The following BAZ1A variants were observed in gnomAD, a reference collection of about 807,000 sequenced individuals.
BAZ1A encodes bromodomain adjacent to zinc finger domain protein 1A.
A neutral mutation model predicts 185.2 loss-of-function variants in BAZ1A; 50 were observed. The ratio of observed to expected loss-of-function variants is 0.27; its 90% CI spans 0.22 to 0.34. BAZ1A has a LOEUF of 0.34. BAZ1A is among the 10% of genes least tolerant of loss of function. The probability of loss-of-function intolerance (pLI) is 1.00; values close to 1 mark genes in which losing one functional copy is unlikely to be tolerated. For missense variants in BAZ1A, 1,356 were observed against 1,839.9 expected (o/e 0.74, Z 4.81); for synonymous variants, 571 against 615.6 (o/e 0.93, Z 1.07).
chr14:34,848,990 G>A (rs941745596), intron 3 of BAZ1A, among the ~76,000 whole-genome samples: 5 of 152,162 alleles, frequency 3.3e-5, no homozygotes, highest in African/African-American at 1.2e-4. Flanking sequence ...ACCAGTTCAT[G>A]TAAAACCGAT....
At chr14:34,790,010 T>G (rs1232123806) in intron 12 of BAZ1A, among the ~76,000 whole-genome samples, 1 of 152,186 alleles carries the variant, frequency 6.6e-6, no homozygotes, top group Non-Finnish European at 1.5e-5. Flanking sequence ...GTATGAGAAT[T>G]TAATGAAACA....
intron 24 of BAZ1A, among the ~76,000 whole-genome samples, chr14:34,760,488 CTTTTT>C (rs5807795): frequency 2.1e-5 from 3 of 139,576 alleles, no homozygotes; most frequent in Non-Finnish European, 4.6e-5. Flanking sequence ...AGAACAGTGG[CTTTTT>C]TTTTTTTTTT....
intron 3 of BAZ1A, among the ~76,000 whole-genome samples, chr14:34,838,110 C>T (rs1214590136): frequency 6.6e-6 from 1 of 152,184 alleles, no homozygotes; most frequent in Non-Finnish European, 1.5e-5. Context: ...GTGGACCTAT[C>T]ATACCAGCCC....
chr14:34,817,630 CTG>C (rs562085135), intron 4 of BAZ1A, among the ~76,000 whole-genome samples: 136 of 152,230 alleles, frequency 8.9e-4, no homozygotes, highest in Non-Finnish European at 1.4e-3. Flanking sequence ...AAACACAACT[CTG>C]TAACTCAACA....
At chr14:34,840,334 T>C (rs2042393638) in intron 3 of BAZ1A, among the ~76,000 whole-genome samples, 1 of 152,188 alleles carries the variant, frequency 6.6e-6, no homozygotes, top group African/African-American at 2.4e-5. Context: ...AGAAGCATTA[T>C]ACCGGTGTTT....
chr14:34,837,019 C>T (rs1185250857), intron 3 of BAZ1A, among the ~76,000 whole-genome samples: 5 of 150,806 alleles, frequency 3.3e-5, no homozygotes. Flanking sequence ...GCAATCCTTC[C>T]ACCTCGGCCT....
intron 21 of BAZ1A, among the ~76,000 whole-genome samples, chr14:34,770,857 TG>T (rs1244321316): frequency 6.6e-6 from 1 of 152,184 alleles, no homozygotes; most frequent in Non-Finnish European, 1.5e-5. Context: ...ATATAGCATG[TG>T]GGTGACTCAT....
rs1216784274 is a variant in BAZ1A at position 34,836,239 on chromosome 14, C to T, written c.393-10083G>A. Reference sequence around the variant, plus strand: ...CTAAAAATACAAAAAATTAGCCGGGCGTGGTAGCGGGCGCCTGTAGTCCCA... The same window carrying T: ...CTAAAAATACAAAAAATTAGCCGGGTGTGGTAGCGGGCGCCTGTAGTCCCA... On this transcript the variant is annotated intron_variant, in intron 3 of 26. Coordinates refer to ENST00000360310, the MANE Select transcript of BAZ1A (RefSeq NM_013448.3). Among the ~76,000 whole-genome samples the T allele has an allele frequency of 2.8e-5, 2 of 71,138 alleles. 1 individual carries two copies. Among genetic ancestry groups the T allele is most frequent in the African/African-American group, 9.5e-5 (2 of 20,992 alleles). 46.7% of individuals were successfully genotyped at this position (71,138 alleles called of 152,430 possible).
intron 3 of BAZ1A, among the ~76,000 whole-genome samples, chr14:34,836,648 C>A (rs1264608533): frequency 6.6e-6 from 1 of 151,794 alleles, no homozygotes; most frequent in Non-Finnish European, 1.5e-5. Flanking sequence ...AATACAATTG[C>A]AAGAATATTT....
chr14:34,796,165 T>TACACACATACACACACAC (rs1555340377), intron 9 of BAZ1A, among the ~76,000 whole-genome samples: 2 of 146,498 alleles, frequency 1.4e-5, no homozygotes, highest in Non-Finnish European at 3.0e-5. Flanking sequence ...TACATATACA[T>TACACACATACACACACAC]ACACACACAC....
chr14:34,774,427 G>A lies in BAZ1A; in HGVS notation c.2897C>T (p.Pro966Leu). Residue 966 changes from proline to leucine, a missense_variant, in exon 19 of 27, where the codon CCA (proline) becomes CTA (leucine). Pro to Leu is a moderately conservative substitution (Grantham distance 98, BLOSUM62 -3). Transcript: ENST00000360310. Reference sequence around the variant, plus strand: ...TTGCTTTTCTGCACACATCTGAGATGGATCATATGCATTGGAAGATCTTCC... The same window carrying A: ...TTGCTTTTCTGCACACATCTGAGATAGATCATATGCATTGGAAGATCTTCC... ...SRGRSSNAYD[P>L]SQMCAEKQLE... 1.9e-6 allele frequency: 3 copies of A among 1,612,568 alleles called. No individual in the cohort carries two copies. Among genetic ancestry groups the A allele is most frequent in the South Asian group, 1.1e-5 (1 of 90,774 alleles).
Position 34,862,288 on chromosome 14 carries a change from G to C in BAZ1A, c.148C>G (p.Leu50Val). Residue 50 changes from leucine to valine, a missense_variant, in exon 3 of 27, where the codon CTT becomes GTT. Physicochemically the swap from Leu to Val is conservative, Grantham distance 32 (BLOSUM62 1). Around this residue, in one of 7 missense-constraint regions of BAZ1A, gnomAD observed 332 missense variants for 395.3 expected, o/e 0.84. Transcript: ENST00000360310. ...CCCGTCACAGCACAACTCCACACAA[G>C]GCTGTTGCACAGAATGGTTCGTTCA... ...FFERTILCNS[L>V]VWSCAVTGRP... The C allele has an allele frequency of 1.2e-6, 2 of 1,613,970 alleles. No homozygotes were observed. Among genetic ancestry groups the C allele is most frequent in the Non-Finnish European group, 8.5e-7 (1 of 1,180,006 alleles).
intron 6 of BAZ1A, 87 bp from the exon 7 acceptor site, chr14:34,803,075 T>TA (rs1452859105): frequency 2.2e-6 from 3 of 1,344,508 alleles, no homozygotes; most frequent in Non-Finnish European, 3.1e-6. Flanking sequence ...TGGCCACTAT[T>TA]AATGCTGTTA....
chr14:34,761,683 A>C (rs1033334388), intron 24 of BAZ1A, 74 bp downstream of exon 24: 3 of 1,322,976 alleles, frequency 2.3e-6, no homozygotes, highest in Admixed American at 2.2e-5. Context: ...AAAATGATCC[A>C]AAGTATCTCA....
At chr14:34,821,675 A>C (rs1047219097) in intron 4 of BAZ1A, among the ~76,000 whole-genome samples, 2 of 152,240 alleles carry the variant, frequency 1.3e-5, no homozygotes, top group African/African-American at 4.8e-5. Context: ...TTCTTTAATC[A>C]TAGACAAATT....
intron 3 of BAZ1A, among the ~76,000 whole-genome samples, chr14:34,848,403 C>T (rs1594899717): frequency 6.6e-6 from 1 of 151,930 alleles, no homozygotes; most frequent in Admixed American, 6.6e-5. Context: ...GTCAGGAGTT[C>T]GAGACCAGCC....
chr14:34,828,765 TC>T (rs1442282329), intron 3 of BAZ1A: 1 of 152,238 alleles, frequency 6.6e-6, no homozygotes, highest in East Asian at 1.9e-4. Flanking sequence ...AAAGTTTTTA[TC>T]TATCTCTAGC....
chr14:34,807,150 T>C (rs1881894959), intron 6 of BAZ1A, among the ~76,000 whole-genome samples: 1 of 150,564 alleles, frequency 6.6e-6, no homozygotes, highest in Non-Finnish European at 1.5e-5. Flanking sequence ...AGAACCACAC[T>C]ATAGGTATTA....
intron 14 of BAZ1A, among the ~76,000 whole-genome samples, chr14:34,784,573 A>G (rs1172385980): frequency 6.6e-6 from 1 of 151,460 alleles, no homozygotes; most frequent in East Asian, 2.0e-4. Flanking sequence ...GCTGGAGTGC[A>G]GTGGCGCGAT....
Sources: allele counts gnomAD v4.1 joint callset (sites outside exome capture counted in the v4.1 genomes callset), GRCh38; gene constraint gnomAD v4.1.1; regional missense constraint gnomAD v4.1.1; transcripts MANE v1.5; gene names NCBI Gene and HGNC (gene_info 2026-07-23, HGNC 2026-07-21).